UNC13C: variants seen among roughly 807,000 people sequenced by gnomAD.
UNC13C encodes unc-13 homolog C.
UNC13C carries 174 observed loss-of-function variants against 245.4 expected under a neutral mutation model. The observed-to-expected ratio is 0.71, with a 90% CI of 0.63 to 0.80. UNC13C has a LOEUF of 0.80. Ranked by LOEUF, UNC13C falls within the 30% of genes least tolerant of loss-of-function variation. UNC13C has a pLI of 0.00. For missense variants in UNC13C, 2,829 were observed against 2,602.9 expected (o/e 1.09, Z -1.89); for synonymous variants, 992 against 895.1 (o/e 1.11, Z -1.93).
Position 54,312,225 on chromosome 15 carries a change from T to C in UNC13C, c.4269-9714T>C, listed in dbSNP as rs1453775675. Among the ~76,000 whole-genome samples the C allele has an allele frequency of 2.7e-5, 4 of 150,874 alleles. 1 individual carries two copies. The South Asian group carries it at 6.3e-4, about 24-fold the overall frequency. ...TATCTATTTGTGTTTGGTGTGCATGTGTGTGTGTGTGTGTTGAAATAGTGA... is the reference window on the plus strand; with the variant it reads ...TATCTATTTGTGTTTGGTGTGCATGCGTGTGTGTGTGTGTTGAAATAGTGA... On this transcript the variant is annotated intron_variant, in intron 13 of 32. Transcript: ENST00000260323.
chr15:54,028,219 A>G (rs925940546), intron 2 of UNC13C, among the ~76,000 whole-genome samples: 1 of 152,066 alleles, frequency 6.6e-6, no homozygotes, highest in Admixed American at 6.6e-5. Context: ...ACAATGAACT[A>G]TTTTCTCCTT....
intron 2 of UNC13C, among the ~76,000 whole-genome samples, chr15:54,053,396 G>A (rs1333346685): frequency 6.6e-6 from 1 of 152,086 alleles, no homozygotes. Context: ...GCAAAAATAC[G>A]AATGTAAATT....
intron 1 of UNC13C, among the ~76,000 whole-genome samples, chr15:54,007,851 C>T (rs1895211221): frequency 1.3e-5 from 2 of 152,110 alleles, no homozygotes; most frequent in South Asian, 2.1e-4. Flanking sequence ...GTGAGACAAG[C>T]GTGAGTCCTG....
the UNC13C span, among the ~76,000 whole-genome samples, chr15:53,933,079 G>GAA: frequency 6.6e-6 from 1 of 152,074 alleles, no homozygotes. Flanking sequence ...TTTTGTGTAA[G>GAA]ATCCTCCAAT....
chr15:54,064,116 T>G (rs1382127189), intron 2 of UNC13C, among the ~76,000 whole-genome samples: 1 of 152,156 alleles, frequency 6.6e-6, no homozygotes, highest in Non-Finnish European at 1.5e-5. Flanking sequence ...CTGTCACATT[T>G]TGTGTCTAGC....
intron 2 of UNC13C, among the ~76,000 whole-genome samples, chr15:54,097,431 C>T (rs1467871861): frequency 1.3e-5 from 2 of 152,170 alleles, no homozygotes; most frequent in East Asian, 1.9e-4. Flanking sequence ...CTTGAGACAG[C>T]TCTTTCTAAG....
intron 1 of UNC13C, among the ~76,000 whole-genome samples, chr15:53,988,167 A>T (rs1402658043): frequency 6.6e-6 from 1 of 152,048 alleles, no homozygotes; most frequent in African/African-American, 2.4e-5. Context: ...TCTTCACTGC[A>T]AAACTACTAG....
rs1192850342 is a variant in UNC13C, at chr15:54,338,455, A to G, written c.4679A>G (p.Asn1560Ser). Residue 1560 changes from asparagine to serine, a missense_variant, in exon 17 of 33, where the codon AAC (asparagine) becomes AGC (serine). Physicochemically the swap from Asn to Ser is conservative, Grantham distance 46 (BLOSUM62 1). Transcript: ENST00000260323. Reference sequence around the variant, plus strand: ...TCTACATACAAGTATATTTTTGACAACTGCCATGAACTCTACTCCCAGCTA... The same window carrying G: ...TCTACATACAAGTATATTTTTGACAGCTGCCATGAACTCTACTCCCAGCTA... ...LDSTYKYIFD[N>S]CHELYSQLTD... 6.2e-7 allele frequency: 1 copy of G among 1,613,600 alleles called. No individual in the cohort carries two copies. Among genetic ancestry groups the G allele is most frequent in the Admixed American group, 1.7e-5 (1 of 60,014 alleles).
chr15:54,512,204 A>G (rs1894774055), intron 24 of UNC13C: 2 of 395,636 alleles, frequency 5.1e-6, no homozygotes, highest in Non-Finnish European at 9.9e-6. Context: ...TTATTCTGCA[A>G]TATGCTTTGT....
At chr15:53,980,136 C>T (rs921445800) in intron 1 of UNC13C, among the ~76,000 whole-genome samples, 2 of 152,098 alleles carry the variant, frequency 1.3e-5, no homozygotes, top group Non-Finnish European at 2.9e-5. Context: ...TTTAAATTGT[C>T]ATTTATGCAT....
At chr15:54,462,411 C>A in intron 19 of UNC13C, among the ~76,000 whole-genome samples, 1 of 152,174 alleles carries the variant, frequency 6.6e-6, no homozygotes, top group East Asian at 1.9e-4. Context: ...TCTGGGCTGG[C>A]CAAGGTTGGA....
At chr15:54,186,929 A>G (rs1397735568) in intron 4 of UNC13C, among the ~76,000 whole-genome samples, 1 of 150,926 alleles carries the variant, frequency 6.6e-6, no homozygotes, top group Non-Finnish European at 1.5e-5. Flanking sequence ...GCTCACTGCA[A>G]CCTCTACCTC....
At chr15:53,864,480 C>T in the UNC13C span, among the ~76,000 whole-genome samples, 14 of 152,142 alleles carry the variant, frequency 9.2e-5, no homozygotes, top group South Asian at 2.1e-4. Context: ...TGATTCATAG[C>T]GCAGACTTAT....
At chr15:54,148,609 T>A (rs141539046) in intron 4 of UNC13C, among the ~76,000 whole-genome samples, 1 of 152,330 alleles carries the variant, frequency 6.6e-6, no homozygotes, top group East Asian at 1.9e-4. Context: ...TTGTTCCTAC[T>A]CTCCAGGGGC....
chr15:53,902,311 C>G, the UNC13C span, among the ~76,000 whole-genome samples: 1 of 152,094 alleles, frequency 6.6e-6, no homozygotes, highest in Admixed American at 6.6e-5. Context: ...AGGAGACAGA[C>G]AGATTGAAGG....
At chr15:54,322,875 C>A (rs371911670) in intron 14 of UNC13C, among the ~76,000 whole-genome samples, 1 of 151,904 alleles carries the variant, frequency 6.6e-6, no homozygotes, top group Admixed American at 6.6e-5. Flanking sequence ...GCCTCAATAG[C>A]ATTTGGTATG....
chr15:53,958,592 G>A, the UNC13C span, among the ~76,000 whole-genome samples: 2 of 152,232 alleles, frequency 1.3e-5, no homozygotes, highest in Middle Eastern at 3.4e-3. Flanking sequence ...ATGATGATAA[G>A]GCTCAGGCTG....
intron 19 of UNC13C, among the ~76,000 whole-genome samples, chr15:54,451,397 G>T (rs368317120): frequency 1.6e-4 from 24 of 151,784 alleles, no homozygotes; most frequent in African/African-American, 4.8e-4. Flanking sequence ...CTCCTTCTGG[G>T]CCTCTGAAAA....
intron 13 of UNC13C, among the ~76,000 whole-genome samples, chr15:54,311,000 G>A (rs2037857549): frequency 6.6e-6 from 1 of 151,636 alleles, no homozygotes; most frequent in South Asian, 2.1e-4. Flanking sequence ...TTAGAGTCAT[G>A]AAAAGGCAAG....
Sources: allele counts gnomAD v4.1 joint callset (sites outside exome capture counted in the v4.1 genomes callset), GRCh38; gene constraint gnomAD v4.1.1; transcripts MANE v1.5; gene names NCBI Gene and HGNC (gene_info 2026-07-23, HGNC 2026-07-21).